Variants in CNTLN observed in about 807,000 individuals in gnomAD.
The protein encoded by CNTLN is centlein, also known as centlein, centrosomal protein.
A neutral mutation model predicts 180.0 loss-of-function variants in CNTLN; 212 were observed. The observed-to-expected ratio is 1.18, with a 90% CI of 1.05 to 1.32. The LOEUF (loss-of-function observed/expected upper bound fraction) is 1.32, where lower values mean the gene tolerates loss of function less well. Among genes scored for constraint, CNTLN ranks in the 40% most tolerant of loss-of-function variants. The pLI is 0.00. For synonymous variants in CNTLN, 722 were observed against 563.1 expected (o/e 1.28, Z -3.99); for missense variants, 2,095 against 1,610.9 (o/e 1.30, Z -5.14).
At chr9:17,474,881 A>G (rs1216721172) in intron 23 of CNTLN, among the ~76,000 whole-genome samples, 2 of 151,372 alleles carry the variant, frequency 1.3e-5, no homozygotes, top group Non-Finnish European at 3.0e-5. Context: ...AAAAAAAAAA[A>G]GGGAAAATAT....
intron 2 of CNTLN, among the ~76,000 whole-genome samples, chr9:17,163,931 A>G (rs1189933937): frequency 2.0e-5 from 3 of 151,870 alleles, no homozygotes; most frequent in Non-Finnish European, 4.4e-5. Context: ...AGGTGGGAGG[A>G]TAGCTTGAGC....
intron 2 of CNTLN, among the ~76,000 whole-genome samples, chr9:17,163,582 A>G (rs1304425058): frequency 6.6e-6 from 1 of 152,218 alleles, no homozygotes; most frequent in Non-Finnish European, 1.5e-5. Flanking sequence ...CATATTGTGC[A>G]TATTTTCCAC....
intron 18 of CNTLN, among the ~76,000 whole-genome samples, chr9:17,437,228 T>A (rs1829832231): frequency 6.6e-6 from 1 of 152,220 alleles, no homozygotes; most frequent in African/African-American, 2.4e-5. Context: ...AAGCAAGTGG[T>A]ATTTGTTAAC....
intron 2 of CNTLN, among the ~76,000 whole-genome samples, chr9:17,216,962 G>C (rs1327100442): frequency 2.0e-5 from 3 of 152,198 alleles, no homozygotes; most frequent in African/African-American, 7.2e-5. Context: ...TTTTCGTGTT[G>C]CAAGAGCCAT....
chr9:17,136,178 C>T (rs1817702347), intron 1 of CNTLN, among the ~76,000 whole-genome samples: 1 of 152,152 alleles, frequency 6.6e-6, no homozygotes, highest in African/African-American at 2.4e-5. Flanking sequence ...TCCTTACCAT[C>T]ATCTCTTTTG....
intron 18 of CNTLN, among the ~76,000 whole-genome samples, chr9:17,436,821 C>G (rs776576066): frequency 6.6e-6 from 1 of 152,154 alleles, no homozygotes; most frequent in Admixed American, 6.5e-5. Context: ...GATCTGTGTT[C>G]ACACCGCTAG....
At chr9:17,135,568 C>A in intron 1 of CNTLN, 143 bp downstream of exon 1, 1 of 1,184,194 alleles carries the variant, frequency 8.4e-7, no homozygotes, top group Non-Finnish European at 1.1e-6. Flanking sequence ...TCGCTCGCGG[C>A]CGGGGGCTGG....
chr9:17,318,999 C>A (rs1819727930), intron 8 of CNTLN, among the ~76,000 whole-genome samples: 1 of 152,020 alleles, frequency 6.6e-6, no homozygotes, highest in Non-Finnish European at 1.5e-5. Context: ...GATAGGAATG[C>A]AGATAGAAAA....
rs1825144308 is a variant in CNTLN at position 17,380,409 on chromosome 9, TTGAGA to T, written c.1988-7752_1988-7748del. On this transcript the variant is annotated intron_variant, in intron 13 of 25. Coordinates refer to ENST00000380647, the MANE Select transcript of CNTLN (RefSeq NM_017738.4). ...GGCCCCCAATAAAAATGCCTCCATATTGAGACACCTGTGGTAGAGATACAGATACG... is the reference window on the plus strand; with the variant it reads ...GGCCCCCAATAAAAATGCCTCCATATCACCTGTGGTAGAGATACAGATACG... 3.3e-5 allele frequency among the ~76,000 whole-genome samples: 5 copies of T among 152,164 alleles called. 1 individual carries two copies. The South Asian group carries it at 1.0e-3, about 32-fold the overall frequency.
At chr9:17,450,599 CA>C (rs1254276128) in intron 18 of CNTLN, among the ~76,000 whole-genome samples, 1 of 152,134 alleles carries the variant, frequency 6.6e-6, no homozygotes, top group Non-Finnish European at 1.5e-5. Context: ...GCCAATTAGC[CA>C]AAAGGTACTT....
At chr9:17,456,128 A>G (rs537899347) in intron 18 of CNTLN, among the ~76,000 whole-genome samples, 1 of 152,318 alleles carries the variant, frequency 6.6e-6, no homozygotes, top group African/African-American at 2.4e-5. Flanking sequence ...TGTAATTTAT[A>G]GAACCTGACG....
At chr9:17,296,386 C>T (rs989514248) in intron 6 of CNTLN, among the ~76,000 whole-genome samples, 15 of 152,162 alleles carry the variant, frequency 9.9e-5, no homozygotes, top group African/African-American at 3.4e-4. Context: ...AGACCAGCTA[C>T]GGATTCGGGC....
intron 15 of CNTLN, among the ~76,000 whole-genome samples, chr9:17,405,673 C>G (rs1827330120): frequency 6.6e-6 from 1 of 151,762 alleles, no homozygotes; most frequent in Non-Finnish European, 1.5e-5. Context: ...AAAAGCTGCA[C>G]TCATTGTTTT....
intron 18 of CNTLN, among the ~76,000 whole-genome samples, chr9:17,423,478 G>C (rs945089078): frequency 6.6e-6 from 1 of 151,994 alleles, no homozygotes; most frequent in African/African-American, 2.4e-5. Flanking sequence ...TCTGCAATCA[G>C]GAGTCTCTCA....
At chr9:17,223,924 A>G (rs1338828738) in intron 2 of CNTLN, among the ~76,000 whole-genome samples, 2 of 151,834 alleles carry the variant, frequency 1.3e-5, no homozygotes, top group African/African-American at 4.8e-5. Context: ...GAATATACCA[A>G]TTGCTCTTGC....
chr9:17,291,581 A>C (rs1179592753), intron 6 of CNTLN, among the ~76,000 whole-genome samples: 1 of 151,958 alleles, frequency 6.6e-6, no homozygotes, highest in Non-Finnish European at 1.5e-5. Flanking sequence ...GTCTTTTTTG[A>C]TCCCTGTTGG....
intron 18 of CNTLN, among the ~76,000 whole-genome samples, chr9:17,426,419 A>T (rs995692083): frequency 2.0e-5 from 3 of 152,182 alleles, no homozygotes; most frequent in Non-Finnish European, 2.9e-5. Context: ...ACTAATATCC[A>T]TTAATCTAAA....
intron 12 of CNTLN, among the ~76,000 whole-genome samples, chr9:17,343,116 GA>G (rs1374142460): frequency 1.3e-4 from 20 of 152,220 alleles, no homozygotes; most frequent in African/African-American, 4.1e-4. Flanking sequence ...AAAACTTGAT[GA>G]AGGATACTCA....
rs376111521 is a variant in CNTLN at position 17,495,817 on chromosome 9, TA to T, written c.4120-6733del. 1.0e-3 allele frequency among the ~76,000 whole-genome samples: 152 copies of T among 152,282 alleles called. 1 individual carries two copies. Among genetic ancestry groups the T allele is most frequent in the African/African-American group, 3.6e-3 (148 of 41,576 alleles). ...AGTGTCCTATTCACGGGTACCATTT[TA>T]TAAAGTCTTCTATACCATATTTTTA... On this transcript the variant is annotated intron_variant, in intron 25 of 25. Transcript: ENST00000380647.
Sources: allele counts gnomAD v4.1 joint callset (sites outside exome capture counted in the v4.1 genomes callset), GRCh38; gene constraint gnomAD v4.1.1; transcripts MANE v1.5; gene names NCBI Gene and HGNC (gene_info 2026-07-23, HGNC 2026-07-21).